Variants in NHSL2 observed in about 807,000 individuals in gnomAD.
NHSL2 encodes NHS like 2.
Under a neutral mutation model 53.4 loss-of-function variants are expected in NHSL2, and 27 were observed. The observed-to-expected ratio is 0.51, with a 90% CI of 0.37 to 0.70. The LOEUF (loss-of-function observed/expected upper bound fraction) is 0.70. NHSL2 is among the 30% of genes least tolerant of loss of function. The pLI is 0.00. For missense variants in NHSL2, 892 were observed against 980.1 expected, an observed-to-expected ratio of 0.91 and a Z score of 1.20; for synonymous variants, 408 against 404.1, an observed-to-expected ratio of 1.01 and a Z score of -0.12.
At position 71,944,395 on chromosome X, in the gene NHSL2, G is replaced by A. The variant is rs768962360; in HGVS notation, c.280+33028G>A. Among the ~76,000 whole-genome samples the A allele has an allele frequency of 2.7e-5, 3 of 112,129 alleles. No individual in the cohort carries two copies. The South Asian group carries it at 1.1e-3, about 42-fold the overall frequency. ...GTTTAGAGAGTAAGTGGCCTGCTCC[G>A]GTCCTGAGTCAGGTTCTAAGATTTG... On this transcript the variant is annotated intron_variant, in intron 1 of 7. Coordinates refer to ENST00000633930, the MANE Select transcript of NHSL2 (RefSeq NM_001013627.3).
At position 72,140,071 on chromosome X, in the gene NHSL2, G is replaced by T. The variant is rs756055852; in HGVS notation, c.2523G>T (p.Pro841=). 9 of 1,206,951 alleles carry T rather than the reference G, an allele frequency of 7.5e-6. No individual in the cohort carries two copies. The Admixed American group carries it at 1.8e-4, about 24-fold the overall frequency. The change falls in exon 6 of 8, where the codon CCG becomes CCT. Residue 841 remains proline (P), a synonymous_variant. Coordinates refer to ENST00000633930, the MANE Select transcript of NHSL2 (RefSeq NM_001013627.3). ...TGAGGTCGGTCAGCAAGTCTGAGCC[G>T]GAAGATGATATTGAGAGCCCTGAGT... ...VRLRSVSKSE[P]EDDIESPEYA...
At chrX:71,918,281 T>C (rs929554285) in intron 1 of NHSL2, among the ~76,000 whole-genome samples, 1 of 111,963 alleles carries the variant, frequency 8.9e-6, no homozygotes, top group Non-Finnish European at 1.9e-5. Context: ...GGCTTGACGA[T>C]ATCTTTTATT....
At chrX:72,033,700 A>C (rs1408151387) in intron 1 of NHSL2, among the ~76,000 whole-genome samples, 1 of 112,340 alleles carries the variant, frequency 8.9e-6, no homozygotes, top group Non-Finnish European at 1.9e-5. Flanking sequence ...GTTAGTGCTA[A>C]TATATAGAAA....
intron 1 of NHSL2, among the ~76,000 whole-genome samples, chrX:72,043,194 G>A (rs1215562139): frequency 1.8e-5 from 2 of 111,201 alleles, no homozygotes; most frequent in Non-Finnish European, 3.8e-5. Context: ...CAACTTACTA[G>A]CACTTCCTTT....
rs767198952 is a variant in NHSL2 at position 72,050,316 on chromosome X, A to G, written c.281-81763A>G. Among the ~76,000 whole-genome samples the G allele has an allele frequency of 3.2e-4, 36 of 111,314 alleles. No individual in the cohort carries two copies. In the South Asian group the frequency reaches 4.2e-3, roughly 13 times the overall value. ...GCCCAGGCTCTGAAACATAGCATTT[A>G]TTAGGAGCTGTGGGGTCATTTTTCC... On this transcript the variant is annotated intron_variant, in intron 1 of 7. Transcript: ENST00000633930.
At chrX:72,086,295 C>T (rs1042712489) in intron 1 of NHSL2, among the ~76,000 whole-genome samples, 1 of 110,062 alleles carries the variant, frequency 9.1e-6, no homozygotes, top group Non-Finnish European at 1.9e-5. Flanking sequence ...GTTGGTTAAA[C>T]AAGGGGGCCC....
intron 1 of NHSL2, among the ~76,000 whole-genome samples, chrX:72,026,406 G>A (rs756498348): frequency 8.9e-6 from 1 of 112,465 alleles, no homozygotes; most frequent in African/African-American, 3.2e-5. Flanking sequence ...GGGACAACAA[G>A]GAAGGAAGAA....
At chrX:71,985,141 A>G (rs1326173290) in intron 1 of NHSL2, among the ~76,000 whole-genome samples, 1 of 111,864 alleles carries the variant, frequency 8.9e-6, no homozygotes, top group Non-Finnish European at 1.9e-5. Context: ...TCTGTTTCAT[A>G]GATGGAATCT....
rs73624203 is a variant in NHSL2, at chrX:72,053,456, C to G, written c.281-78623C>G. Among the ~76,000 whole-genome samples, 239 of 111,972 alleles carry G rather than the reference C, an allele frequency of 2.1e-3. 1 individual carries two copies. The highest frequency in any genetic ancestry group is 7.5e-3 in the African/African-American group (230 of 30,807). ...CTTCAAGAGGTACAGATGAACTTTT[C>G]TTTTTACTTGAATGCTTGCATATTT... On this transcript the variant is annotated intron_variant, in intron 1 of 7. Transcript: ENST00000633930.
At chrX:71,970,641 T>TC (rs398122089) in intron 1 of NHSL2, among the ~76,000 whole-genome samples, 3 of 110,681 alleles carry the variant, frequency 2.7e-5, no homozygotes, top group Non-Finnish European at 5.7e-5. Context: ...TTTTTTTTTT[T>TC]CAAATAACCA....
chrX:72,014,354 T>C, intron 1 of NHSL2, among the ~76,000 whole-genome samples: 1 of 112,117 alleles, frequency 8.9e-6, no homozygotes, highest in Non-Finnish European at 1.9e-5. Context: ...CTCCTTGTTC[T>C]AGTTACTTGA....
chrX:72,096,207 T>A (rs1171875870), intron 1 of NHSL2, among the ~76,000 whole-genome samples: 1 of 111,191 alleles, frequency 9.0e-6, no homozygotes, highest in Non-Finnish European at 1.9e-5. Context: ...AGTGGCTTGG[T>A]CTAGGGTGGT....
intron 1 of NHSL2, among the ~76,000 whole-genome samples, chrX:71,959,455 A>G (rs1177379806): frequency 2.7e-5 from 3 of 112,818 alleles, no homozygotes; most frequent in Non-Finnish European, 5.6e-5. Context: ...TTTAAAAAAG[A>G]TGTAATTTAA....
intron 1 of NHSL2, among the ~76,000 whole-genome samples, chrX:71,921,468 G>T (rs749880619): frequency 1.8e-5 from 2 of 108,897 alleles, no homozygotes; most frequent in South Asian, 8.3e-4. Flanking sequence ...TTAGAAACAT[G>T]AAACCATTTT....
chrX:72,138,552 C>G lies in NHSL2; in HGVS notation c.1004C>G (p.Ala335Gly). 1 of 1,167,329 alleles carries G rather than the reference C, an allele frequency of 8.6e-7. No individual in the cohort carries two copies. ...VHGRVAVGQDARFPSLTSPVL... is the reference protein window; with the variant it reads ...VHGRVAVGQDGRFPSLTSPVL... The stretch of plus-strand genomic sequence containing the variant: ...GGAAGAGTTGCAGTTGGTCAGGATG[C>G]TCGGTTCCCAAGTCTCACCTCGCCA... Residue 335 changes from alanine (A) to glycine (G), a missense_variant, in exon 6 of 8, where the codon GCT becomes GGT. Coordinates refer to ENST00000633930, the MANE Select transcript of NHSL2 (RefSeq NM_001013627.3).
intron 1 of NHSL2, among the ~76,000 whole-genome samples, chrX:71,942,335 G>T (rs984289302): frequency 3.6e-5 from 4 of 112,033 alleles, no homozygotes; most frequent in African/African-American, 1.3e-4. Flanking sequence ...GATGGGTAAA[G>T]ATTCTTTTTC....
At chrX:72,060,445 C>T (rs1450185823) in intron 1 of NHSL2, among the ~76,000 whole-genome samples, 1 of 112,654 alleles carries the variant, frequency 8.9e-6, no homozygotes, top group East Asian at 2.8e-4. Context: ...GTTACTTGCC[C>T]TCTCTGGGCT....
chrX:72,144,681 TG>T lies in NHSL2; in HGVS notation c.*1108del, dbSNP rs2042448759. 1 of 406,872 alleles carries T rather than the reference TG, an allele frequency of 2.5e-6. No homozygotes were observed. Among genetic ancestry groups the T allele is most frequent in the Non-Finnish European group, 4.2e-6 (1 of 239,193 alleles). 33.5% of individuals were successfully genotyped at this position (406,872 alleles called of 1,213,427 possible). A position where few individuals can be genotyped will look rare whatever the true frequency, so the allele number is the denominator to read the frequency against. On this transcript the variant is annotated 3_prime_UTR_variant, in exon 8 of 8. Coordinates refer to ENST00000633930, the MANE Select transcript of NHSL2 (RefSeq NM_001013627.3). ...CTATCCAAAATCTAAAAGGCAGTCT[TG>T]CCAGTTGCTATGGCCCATAATGCAC...
chrX:72,054,065 G>A (rs2042354825), intron 1 of NHSL2, among the ~76,000 whole-genome samples: 1 of 110,882 alleles, frequency 9.0e-6, no homozygotes, highest in African/African-American at 3.3e-5. Context: ...CTTCAACAAG[G>A]CCTCACTGAA....
Sources: gnomAD v4.1 joint callset for allele counts (sites outside exome capture counted in the v4.1 genomes callset) on GRCh38, gnomAD v4.1.1 for gene constraint, MANE v1.5 for transcripts, NCBI Gene and HGNC (gene_info 2026-07-23, HGNC 2026-07-21) for gene names.